Variants in HDDC2 observed in about 807,000 individuals in gnomAD.
The protein encoded by HDDC2 is HD domain containing 2.
Under a neutral mutation model 25.5 loss-of-function variants are expected in HDDC2, and 25 were observed. The observed-to-expected ratio is 0.98, with a 90% CI of 0.72 to 1.37. The LOEUF is 1.37. Among genes scored for constraint, HDDC2 ranks in the 40% most tolerant of loss-of-function variants. HDDC2 has a pLI of 0.00. For synonymous variants in HDDC2, 106 were observed against 89.7 expected, an observed-to-expected ratio of 1.18 and a Z score of -1.03; for missense variants, 264 against 253.1, an observed-to-expected ratio of 1.04 and a Z score of -0.29.
In HDDC2 at chr6:125,276,050, A is replaced by T; in HGVS notation, c.*96T>A. The T allele has an allele frequency of 1.1e-6, 1 of 894,926 alleles. No individual in the cohort carries two copies. 55.4% of individuals were successfully genotyped at this position (894,926 alleles called of 1,614,324 possible). A position where few individuals can be genotyped will look rare whatever the true frequency, so the allele number is the denominator to read the frequency against. On this transcript the variant is annotated 3_prime_UTR_variant, in exon 6 of 6. Coordinates refer to ENST00000398153, the MANE Select transcript of HDDC2 (RefSeq NM_016063.3). ...GACAATTGAAAACAAACAGACTCAC[A>T]TCTAGGGAAATCAACAGACCAACAA... is the stretch of plus-strand genomic sequence containing the variant.
At chr6:125,301,346 G>C (rs1308607546) in intron 1 of HDDC2, among the ~76,000 whole-genome samples, 1 of 151,998 alleles carries the variant, frequency 6.6e-6, no homozygotes, top group Non-Finnish European at 1.5e-5. Flanking sequence ...CTTGTTTCTG[G>C]AAGTAACTGT....
intron 3 of HDDC2, chr6:125,297,676 T>A (rs112167536): frequency 1.0e-5 from 4 of 397,012 alleles, no homozygotes. Flanking sequence ...TGTTAAACCA[T>A]CTCAATAAAG....
In HDDC2 at chr6:125,275,477, G is replaced by T. The variant is rs1026669670; in HGVS notation, c.*669C>A. The T allele has an allele frequency of 3.9e-5, 6 of 152,106 alleles. No individual in the cohort carries two copies. Among genetic ancestry groups the T allele is most frequent in the African/African-American group, 1.4e-4 (6 of 41,402 alleles). The allele number at this position is 152,106 out of a possible 1,614,324, so 9.4% of individuals were successfully genotyped here. On this transcript the variant is annotated 3_prime_UTR_variant, in exon 6 of 6. Coordinates refer to ENST00000398153, the MANE Select transcript of HDDC2 (RefSeq NM_016063.3). ...GATGATACATGCTTTTACAATAAAG[G>T]TCTCAAGATTTATAAGTCAGACAGG...
At chr6:125,292,954 C>A (rs1417701) in intron 3 of HDDC2, 45 bp from the exon 4 acceptor site, 243,735 of 1,415,618 alleles carry the variant, frequency 0.17, 23,140 homozygotes, top group African/African-American at 0.38. Flanking sequence ...ACATTTATCA[C>A]AGTTAACAAC....
chr6:125,289,520 AAAAC>A (rs1275400330), intron 4 of HDDC2, among the ~76,000 whole-genome samples: 43 of 99,748 alleles, frequency 4.3e-4, no homozygotes, highest in African/African-American at 1.4e-3. Context: ...CAAAACAAAA[AAAAC>A]AAAAAAAAAA....
chr6:125,279,037 T>G (rs1486685084), intron 4 of HDDC2: 1 of 152,098 alleles, frequency 6.6e-6, no homozygotes, highest in Non-Finnish European at 1.5e-5. Context: ...TCCAAATATG[T>G]GCAAGTAGAG....
chr6:125,298,552 G>C (rs906428943), intron 3 of HDDC2, 162 bp downstream of exon 3: 2 of 621,166 alleles, frequency 3.2e-6, no homozygotes, highest in Non-Finnish European at 5.7e-6. Context: ...CCCAGGCCCT[G>C]AATCTCTAAA....
At position 125,298,681 on chromosome 6, in the gene HDDC2, T is replaced by C. The variant is rs755914339; in HGVS notation, c.309+33A>G. 31 of 1,529,910 alleles carry C rather than the reference T, an allele frequency of 2.0e-5. No homozygotes were observed. In the South Asian group the frequency reaches 3.2e-4, roughly 16 times the overall value. 94.8% of individuals were successfully genotyped at this position (1,529,910 alleles called of 1,614,324 possible). On this transcript the variant is annotated intron_variant, in intron 3 of 5. Coordinates refer to ENST00000398153, the MANE Select transcript of HDDC2 (RefSeq NM_016063.3). ...TTGCTTCAGCAAGAGGTTTTTCTGG[T>C]GGTTTTTTGCACAGTCAATAGTCAA... is the stretch of plus-strand genomic sequence containing the variant.
chr6:125,282,276 G>C (rs1282463565), intron 4 of HDDC2, among the ~76,000 whole-genome samples: 1 of 151,618 alleles, frequency 6.6e-6, no homozygotes, highest in African/African-American at 2.4e-5. Context: ...AACCCGGGAA[G>C]CGGAGGTTGC....
At chr6:125,283,924 T>C (rs1333648840) in intron 4 of HDDC2, among the ~76,000 whole-genome samples, 1 of 151,942 alleles carries the variant, frequency 6.6e-6, no homozygotes, top group African/African-American at 2.4e-5. Flanking sequence ...TATACTACAA[T>C]TCTATAGTAA....
At chr6:125,288,185 G>A (rs1798571093) in intron 4 of HDDC2, among the ~76,000 whole-genome samples, 1 of 152,222 alleles carries the variant, frequency 6.6e-6, no homozygotes, top group Admixed American at 6.5e-5. Flanking sequence ...AGAAGGAAGA[G>A]GCAAGAATAC....
intron 2 of HDDC2, among the ~76,000 whole-genome samples, chr6:125,299,266 C>T (rs1309663484): frequency 6.6e-6 from 1 of 152,042 alleles, no homozygotes; most frequent in Non-Finnish European, 1.5e-5. Context: ...ACCTGTAATC[C>T]CAGCTACTCA....
rs566988110 is a variant in HDDC2 at position 125,301,440 on chromosome 6, T to G, written c.84+409A>C. ...CACCCGTGCTCAGAAGCAGCCGCGC[T>G]TTACACACACACACACACACACACG... On this transcript the variant is annotated intron_variant, in intron 1 of 5. Coordinates refer to ENST00000398153, the MANE Select transcript of HDDC2 (RefSeq NM_016063.3). 1.3e-4 allele frequency among the ~76,000 whole-genome samples: 12 copies of G among 94,434 alleles called. 1 individual carries two copies. The South Asian group carries it at 3.1e-3, about 24-fold the overall frequency. The allele number at this position is 94,434 out of a possible 152,430, so 62.0% of individuals were successfully genotyped here.
rs188645181 is a variant in HDDC2 at position 125,282,583 on chromosome 6, G to A, written c.379-5343C>T. Among the ~76,000 whole-genome samples, 443 of 152,218 alleles carry A rather than the reference G, an allele frequency of 2.9e-3. 2 individuals are homozygous for A. The highest frequency in any genetic ancestry group is 0.01 in the African/African-American group (422 of 41,544). ...AACAAACCAAAATGCAAAGAACATCGACACTATAAAGAAACTGCATCAACT... is the reference window on the plus strand; with the variant it reads ...AACAAACCAAAATGCAAAGAACATCAACACTATAAAGAAACTGCATCAACT... On this transcript the variant is annotated intron_variant, in intron 4 of 5. Coordinates refer to ENST00000398153, the MANE Select transcript of HDDC2 (RefSeq NM_016063.3).
At chr6:125,286,649 T>TA (rs1562440818) in intron 4 of HDDC2, among the ~76,000 whole-genome samples, 1 of 152,186 alleles carries the variant, frequency 6.6e-6, no homozygotes, top group Non-Finnish European at 1.5e-5. Context: ...TGACCATCCA[T>TA]AATGCTCATT....
chr6:125,298,513 C>T (rs1318563786), intron 3 of HDDC2: 4 of 588,336 alleles, frequency 6.8e-6, no homozygotes, highest in Non-Finnish European at 1.2e-5. Context: ...AGTTGCCTAA[C>T]TTGTCAGATC....
At chr6:125,288,649 C>T (rs551154319) in intron 4 of HDDC2, among the ~76,000 whole-genome samples, 203 of 151,478 alleles carry the variant, frequency 1.3e-3, no homozygotes, top group African/African-American at 3.9e-3. Context: ...AAACAAACAA[C>T]CCCATCAAAA....
intron 4 of HDDC2, among the ~76,000 whole-genome samples, chr6:125,281,621 C>T (rs894431643): frequency 3.9e-5 from 6 of 151,986 alleles, no homozygotes; most frequent in Non-Finnish European, 7.4e-5. Context: ...GACTGAAGAT[C>T]AATTTAATGA....
At chr6:125,280,627 A>T (rs9491360) in intron 4 of HDDC2, among the ~76,000 whole-genome samples, 2 of 152,118 alleles carry the variant, frequency 1.3e-5, no homozygotes, top group African/African-American at 2.4e-5. Flanking sequence ...GGAGCCCACC[A>T]CATCGCTGCA....
Sources: gnomAD v4.1 joint callset for allele counts (sites outside exome capture counted in the v4.1 genomes callset) on GRCh38, gnomAD v4.1.1 for gene constraint, MANE v1.5 for transcripts, NCBI Gene and HGNC (gene_info 2026-07-23, HGNC 2026-07-21) for gene names.